The following TCF25 variants were observed in gnomAD, a reference collection of about 807,000 sequenced individuals.
TCF25 encodes ribosome quality control complex subunit TCF25.
In TCF25, 41 loss-of-function variants were observed where a neutral mutation model predicts 83.1. That is an observed-to-expected ratio of 0.49 (90% CI 0.38 to 0.64). TCF25 has a LOEUF of 0.64. TCF25 is among the 30% of genes least tolerant of loss of function. The probability of loss-of-function intolerance (pLI) is 0.00; values close to 1 mark genes in which losing one functional copy is unlikely to be tolerated. For synonymous variants in TCF25, 458 were observed against 365.0 expected (o/e 1.25, Z -2.90); for missense variants, 979 against 914.5 (o/e 1.07, Z -0.91).
At chr16:89,901,134 G>A (rs1039904335) in intron 12 of TCF25, 2 of 220,828 alleles carry the variant, frequency 9.1e-6, no homozygotes, top group South Asian at 1.1e-4. Context: ...TCTCGGCAGC[G>A]CCGAGGTGTG....
intron 16 of TCF25, among the ~76,000 whole-genome samples, chr16:89,907,765 C>T (rs1180191588): frequency 3.7e-5 from 4 of 107,894 alleles, no homozygotes; most frequent in South Asian, 3.5e-4. Flanking sequence ...TCCCGCCTCC[C>T]TCCTCCCAGT....
At chr16:89,877,105 AAAATAAAT>A (rs756315948) in intron 1 of TCF25, among the ~76,000 whole-genome samples, 16 of 148,882 alleles carry the variant, frequency 1.1e-4, no homozygotes, top group African/African-American at 2.8e-4. Context: ...CTGTCTCAAA[AAAATAAAT>A]AAATAAATAA....
intron 1 of TCF25, among the ~76,000 whole-genome samples, chr16:89,878,877 G>A (rs902014095): frequency 3.3e-5 from 5 of 152,148 alleles, no homozygotes; most frequent in Non-Finnish European, 5.9e-5. Context: ...TCCTGACCTC[G>A]CCATCTGCCC....
At chr16:89,889,125 G>C in intron 5 of TCF25, 1 of 299,088 alleles carries the variant, frequency 3.3e-6, no homozygotes, top group South Asian at 2.8e-5. Flanking sequence ...CTGCTTCTGG[G>C]ACTTTATGTA....
chr16:89,893,757 A>G lies in TCF25; in HGVS notation c.727A>G (p.Lys243Glu). Residue 243 changes from lysine (K) to glutamate (E), a missense_variant, in exon 7 of 18, where the codon AAA becomes GAA. Transcript: ENST00000263346. ...GTCCATGCGGCTGCTGGAATCAAAA[A>G]AAGGCCTCTCCTTCTTTGCGTTTGA... ...GLSMRLLESKKGLSFFAFEHS... is the reference protein window; with the variant it reads ...GLSMRLLESKEGLSFFAFEHS... 1 of 1,614,030 alleles carries G rather than the reference A, an allele frequency of 6.2e-7. No individual in the cohort carries two copies. The highest frequency in any genetic ancestry group is 1.3e-5 in the African/African-American group (1 of 75,072).
chr16:89,893,938 C>T lies in TCF25; in HGVS notation c.828+80C>T, dbSNP rs541772757. The T allele has an allele frequency of 1.6e-5, 25 of 1,533,384 alleles. 1 individual carries two copies. In the South Asian group the frequency reaches 3.0e-4, roughly 18 times the overall value. The allele number at this position is 1,533,384 out of a possible 1,614,324, so 95.0% of individuals were successfully genotyped here. A position where few individuals can be genotyped will look rare whatever the true frequency, so the allele number is the denominator to read the frequency against. On this transcript the variant is annotated intron_variant, in intron 7 of 17. Coordinates refer to ENST00000263346, the MANE Select transcript of TCF25 (RefSeq NM_014972.3). The stretch of plus-strand genomic sequence containing the variant: ...CCTGGGCCGCCTGCTTCCCTGGTGG[C>T]TGGGGGAGGCATGCTGCCTCCTGCC...
intron 1 of TCF25, among the ~76,000 whole-genome samples, chr16:89,881,222 C>T (rs191056709): frequency 5.1e-4 from 77 of 152,274 alleles, no homozygotes; most frequent in African/African-American, 1.7e-3. Flanking sequence ...CAACCGCAGC[C>T]GGGGTGTCTG....
At chr16:89,882,052 G>A (rs1359330592) in intron 1 of TCF25, among the ~76,000 whole-genome samples, 4 of 152,088 alleles carry the variant, frequency 2.6e-5, no homozygotes, top group East Asian at 1.9e-4. Flanking sequence ...CACCGTGCCC[G>A]GTCAGCCTCT....
intron 12 of TCF25, 25 bp from the exon 13 acceptor site, chr16:89,904,093 C>CA (rs1567733429): frequency 1.3e-6 from 2 of 1,594,594 alleles, no homozygotes; most frequent in East Asian, 4.6e-5. Context: ...TGAGGGCCCC[C>CA]ACAGAGCCTC....
chr16:89,911,321 G>C lies in TCF25; in HGVS notation c.*83G>C. On this transcript the variant is annotated 3_prime_UTR_variant, in exon 18 of 18. Transcript: ENST00000263346. ...CGGAGTCGGCCAGTTGCCTGAAGTA[G>C]GGAAGCTGAGTGTGTCGCTCCCTGG... 1.3e-6 allele frequency: 2 copies of C among 1,565,670 alleles called. No individual in the cohort carries two copies. The highest frequency in any genetic ancestry group is 1.7e-6 in the Non-Finnish European group (2 of 1,147,496).
chr16:89,908,991 G>T lies in TCF25; in HGVS notation c.1800-1600G>T, dbSNP rs551183026. 220 of 1,289,542 alleles carry T rather than the reference G, an allele frequency of 1.7e-4. No individual in the cohort carries two copies. The African/African-American group carries it at 3.0e-3, about 18-fold the overall frequency. The allele number at this position is 1,289,542 out of a possible 1,614,324, so 79.9% of individuals were successfully genotyped here. On this transcript the variant is annotated intron_variant, in intron 16 of 17. Coordinates refer to ENST00000263346, the MANE Select transcript of TCF25 (RefSeq NM_014972.3). ...GAAGGGAGAGGAGGAGAGGAACAGT[G>T]TTATTTGGGGGTCACAGCTCTGCGT... is the stretch of plus-strand genomic sequence containing the variant.
At chr16:89,895,198 A>G in intron 8 of TCF25, 61 bp downstream of exon 8, 1 of 1,482,160 alleles carries the variant, frequency 6.7e-7, no homozygotes, top group South Asian at 1.2e-5. Flanking sequence ...CTATCAAGAC[A>G]GATGCGATGG....
chr16:89,893,992 G>A lies in TCF25; in HGVS notation c.828+134G>A, dbSNP rs546066108. 6.7e-6 allele frequency: 9 copies of A among 1,348,162 alleles called. No homozygotes were observed. In the Admixed American group the frequency reaches 1.4e-4, roughly 21 times the overall value. The allele number at this position is 1,348,162 out of a possible 1,614,324, so 83.5% of individuals were successfully genotyped here. ...CCCAACAGGAAGGGTGCCAGTCTCT[G>A]CAGGGCGGTCTGGCCCTGTGACCAG... On this transcript the variant is annotated intron_variant, in intron 7 of 17. Transcript: ENST00000263346.
At chr16:89,904,904 A>AG in intron 13 of TCF25, 34 bp from the exon 14 acceptor site, 2 of 1,587,200 alleles carry the variant, frequency 1.3e-6, no homozygotes, top group Non-Finnish European at 1.7e-6. Flanking sequence ...TGGTCTGAAG[A>AG]GGGGTTCTGC....
intron 16 of TCF25, among the ~76,000 whole-genome samples, chr16:89,908,244 C>G (rs1597392163): frequency 5.3e-5 from 6 of 113,820 alleles, no homozygotes; most frequent in African/African-American, 1.9e-4. Flanking sequence ...GTTCCCACCT[C>G]CCAGCTCCCA....
In TCF25 at chr16:89,875,621, C is replaced by G. The variant is rs1192259380; in HGVS notation, c.192+1762C>G. 2.1e-5 allele frequency among the ~76,000 whole-genome samples: 3 copies of G among 143,346 alleles called. No individual in the cohort carries two copies. The Admixed American group carries it at 2.2e-4, about 11-fold the overall frequency. The allele number at this position is 143,346 out of a possible 152,430, so 94.0% of individuals were successfully genotyped here. A position where few individuals can be genotyped will look rare whatever the true frequency, so the allele number is the denominator to read the frequency against. Reference sequence around the variant, plus strand: ...CACTGCAAGCTCCGCCTCCTGGGTTCACGCCATTCTCCTGCCTCAGCCTCC... The same window carrying G: ...CACTGCAAGCTCCGCCTCCTGGGTTGACGCCATTCTCCTGCCTCAGCCTCC... On this transcript the variant is annotated intron_variant, in intron 1 of 17. Coordinates refer to ENST00000263346, the MANE Select transcript of TCF25 (RefSeq NM_014972.3).
intron 11 of TCF25, 31 bp from the exon 12 acceptor site, chr16:89,900,604 G>C (rs1304498920): frequency 6.4e-6 from 10 of 1,552,488 alleles, no homozygotes; most frequent in South Asian, 2.3e-5. Context: ...ATGACTTAAG[G>C]CTCCACGCTC....
chr16:89,881,388 T>C (rs1474841512), intron 1 of TCF25, among the ~76,000 whole-genome samples: 1 of 152,190 alleles, frequency 6.6e-6, no homozygotes, highest in African/African-American at 2.4e-5. Flanking sequence ...TGCATCCGAT[T>C]GGATCCATCA....
At chr16:89,894,037 C>T (rs2043630351) in intron 7 of TCF25, 179 bp downstream of exon 7, 4 of 889,860 alleles carry the variant, frequency 4.5e-6, no homozygotes, top group Non-Finnish European at 6.6e-6. Context: ...TGTTCGGAGG[C>T]TCTAGGCCAA....
Sources: gnomAD v4.1 joint callset for allele counts (sites outside exome capture counted in the v4.1 genomes callset) on GRCh38, gnomAD v4.1.1 for gene constraint, MANE v1.5 for transcripts, NCBI Gene and HGNC (gene_info 2026-07-23, HGNC 2026-07-21) for gene names.